Variants in THBS2 observed in about 807,000 individuals in gnomAD.
The protein encoded by THBS2 is thrombospondin-2.
THBS2 carries 47 observed loss-of-function variants against 135.2 expected under a neutral mutation model. That is an observed-to-expected ratio of 0.35 (90% CI 0.28 to 0.44). The LOEUF (loss-of-function observed/expected upper bound fraction) is 0.44. Among genes scored for constraint, THBS2 ranks in the 20% least tolerant of loss-of-function variants. The probability of loss-of-function intolerance (pLI) is 1.00; values close to 1 mark genes in which losing one functional copy is unlikely to be tolerated. For synonymous variants in THBS2, 639 were observed against 633.8 expected, an observed-to-expected ratio of 1.01 and a Z score of -0.12; for missense variants, 1,288 against 1,603.1, an observed-to-expected ratio of 0.80 and a Z score of 3.36.
At chr6:169,242,832 C>A (rs1253167799) in intron 4 of THBS2, among the ~76,000 whole-genome samples, 7 of 109,040 alleles carry the variant, frequency 6.4e-5, no homozygotes, top group East Asian at 3.2e-4. Flanking sequence ...ACCTTCCCAC[C>A]TTCCCACCTT....
In THBS2 at chr6:169,237,653, A is replaced by G. The variant is rs1206770585; in HGVS notation, c.1272T>C (p.Ala424=). The part of the protein sequence containing the change: ...TCLGPSIQTR[A]CSLSKCDTRI... ...GGGTGTCACACTTGCTCAGACTGCA[A>G]GCCCGTGTCTGGATGGAGGGCCCCA... Residue 424 remains alanine, a synonymous_variant, in exon 8 of 22, where the codon GCT becomes GCC. Transcript: ENST00000617924. 1.2e-6 allele frequency: 2 copies of G among 1,612,842 alleles called. No individual in the cohort carries two copies. Among genetic ancestry groups the G allele is most frequent in the Non-Finnish European group, 1.7e-6 (2 of 1,179,952 alleles).
At chr6:169,245,495 T>A (rs1780508438) in intron 4 of THBS2, among the ~76,000 whole-genome samples, 1 of 152,108 alleles carries the variant, frequency 6.6e-6, no homozygotes, top group South Asian at 2.1e-4. Flanking sequence ...CTATGAACAG[T>A]ATAAGAAAAC....
Position 169,228,906 on chromosome 6 carries a change from CAAAAAAA to C in THBS2, c.2260-632_2260-626del, listed in dbSNP as rs535971273. Among the ~76,000 whole-genome samples the C allele has an allele frequency of 5.3e-5, 6 of 112,880 alleles. No homozygotes were observed. In the East Asian group the frequency reaches 1.6e-3, roughly 30 times the overall value. 74.1% of individuals were successfully genotyped at this position (112,880 alleles called of 152,430 possible). The stretch of plus-strand genomic sequence containing the variant: ...GCCATTGCACTCAAGCCTGAGCGAC[CAAAAAAA>C]AAAAAAAAAAGAGTTAGCCCTCGCC... On this transcript the variant is annotated intron_variant, in intron 14 of 21. Coordinates refer to ENST00000617924, the MANE Select transcript of THBS2 (RefSeq NM_003247.5).
Position 169,241,131 on chromosome 6 carries a change from TG to T in THBS2, c.892-540del, listed in dbSNP as rs2115016451. Among the ~76,000 whole-genome samples the T allele has an allele frequency of 6.6e-6, 1 of 150,710 alleles. No individual in the cohort carries two copies. Among genetic ancestry groups the T allele is most frequent in the Admixed American group, 6.6e-5 (1 of 15,118 alleles). On this transcript the variant is annotated intron_variant, in intron 5 of 21. Transcript: ENST00000617924. The surrounding 1 kb of genome is among the most constrained non-coding windows in gnomAD (Gnocchi z 5.5). Reference sequence around the variant, plus strand: ...CTGGCATCATTTACTTCATGCCCTCTGGGTACGAGTGACAGTCAGCATCACT... The same window carrying T: ...CTGGCATCATTTACTTCATGCCCTCTGGTACGAGTGACAGTCAGCATCACT...
chr6:169,237,318 C>G lies in THBS2; in HGVS notation c.1329G>C (p.Trp443Cys). ...RIRQDGGWSH[W>C]SPWSSCSVTC... ...TCACAGAGCATGAAGACCAAGGTGA[C>G]CAGTGGCTCCAGCCGCCGTCCTGCC... The change falls in exon 9 of 22, where the codon TGG (tryptophan) becomes TGC (cysteine). Residue 443 changes from tryptophan (W) to cysteine (C), a missense_variant. Physicochemically the swap from Trp to Cys is radical, Grantham distance 215. Transcript: ENST00000617924. The G allele has an allele frequency of 1.2e-6, 2 of 1,613,284 alleles. No individual in the cohort carries two copies. The highest frequency in any genetic ancestry group is 1.7e-6 in the Non-Finnish European group (2 of 1,180,012).
chr6:169,235,040 G>C (rs1473097480), intron 9 of THBS2, 133 bp from the exon 10 acceptor site: 8 of 865,966 alleles, frequency 9.2e-6, no homozygotes, highest in East Asian at 2.8e-5. Context: ...TTCTCCCCAG[G>C]TTGGCTGACT....
At chr6:169,240,191 C>T (rs868057584) in intron 6 of THBS2, among the ~76,000 whole-genome samples, 33 of 152,328 alleles carry the variant, frequency 2.2e-4, no homozygotes, top group African/African-American at 7.7e-4. Context: ...CTTCTCTGTT[C>T]CTCCTGTTTC....
At chr6:169,237,092 C>G in intron 9 of THBS2, 78 bp downstream of exon 9, 2 of 1,499,390 alleles carry the variant, frequency 1.3e-6, no homozygotes, top group East Asian at 2.3e-5. Flanking sequence ...CACCCCGGAT[C>G]CCGGCTCCAG....
In THBS2 at chr6:169,229,590, G is replaced by T. The variant is rs375479793; in HGVS notation, c.2241C>A (p.Asp747Glu). The change falls in exon 14 of 22, where the codon GAC (aspartate) becomes GAA (glutamate). Residue 747 changes from aspartate (D) to glutamate (E), a missense_variant. Around this residue, in one of 2 missense-constraint regions of THBS2, gnomAD observed 874 missense variants for 1,156.1 expected, o/e 0.76. Coordinates refer to ENST00000617924, the MANE Select transcript of THBS2 (RefSeq NM_003247.5). ...GDACDDDDDN[D>E]GVTDEKDNCQ... ...CTCCTACCTTCTCATCGGTCACACC[G>T]TCATTGTCATCGTCATCATCACAGG... The T allele has an allele frequency of 6.2e-7, 1 of 1,614,054 alleles. No individual in the cohort carries two copies. Among genetic ancestry groups the T allele is most frequent in the South Asian group, 1.1e-5 (1 of 91,062 alleles).
rs943869021 is a variant in THBS2, at chr6:169,216,293, A to AG, written c.*1528dup. The AG allele has an allele frequency of 6.6e-6, 1 of 152,210 alleles. No individual in the cohort carries two copies. Among genetic ancestry groups the AG allele is most frequent in the Non-Finnish European group, 1.5e-5 (1 of 68,026 alleles). The allele number at this position is 152,210 out of a possible 1,614,324, so 9.4% of individuals were successfully genotyped here. On this transcript the variant is annotated 3_prime_UTR_variant, in exon 22 of 22. Coordinates refer to ENST00000617924, the MANE Select transcript of THBS2 (RefSeq NM_003247.5). ...AGAAATGTGATGACTATTAACAGAA[A>AG]GGGGAAAAAGATTTGCCCCCTATCC...
intron 3 of THBS2, among the ~76,000 whole-genome samples, chr6:169,247,678 C>T (rs1044825485): frequency 8.1e-5 from 12 of 147,798 alleles, no homozygotes; most frequent in African/African-American, 2.8e-4. Flanking sequence ...TGTGTGCACA[C>T]CTGTTTTGTG....
chr6:169,249,922 C>A (rs1358528441), intron 2 of THBS2, among the ~76,000 whole-genome samples: 1 of 151,652 alleles, frequency 6.6e-6, no homozygotes, highest in South Asian at 2.1e-4. Flanking sequence ...CCCAGCTACT[C>A]GGGAGGCTGA....
In THBS2 at chr6:169,232,651, C is replaced by T. The variant is rs78842639; in HGVS notation, c.1932+13G>A. ...GCCGCTCGCAACACACAAGGAAGGCCGGCCTTGCGTACTTGCTTTTCCGTC... is the reference window on the plus strand; with the variant it reads ...GCCGCTCGCAACACACAAGGAAGGCTGGCCTTGCGTACTTGCTTTTCCGTC... On this transcript the variant is annotated intron_variant, in intron 12 of 21. Transcript: ENST00000617924. 5.9e-3 allele frequency: 9,358 copies of T among 1,586,264 alleles called. 368 individuals carry two copies. The African/African-American group carries it at 0.095, about 16-fold the overall frequency.
intron 7 of THBS2, among the ~76,000 whole-genome samples, chr6:169,238,881 C>A (rs1203840469): frequency 2.0e-5 from 3 of 152,138 alleles, no homozygotes; most frequent in African/African-American, 4.8e-5. Flanking sequence ...CTTAGTGCAG[C>A]AGCAACTTGG....
In THBS2 at chr6:169,232,774, G is replaced by A; in HGVS notation, c.1822C>T (p.Pro608Ser). The stretch of plus-strand genomic sequence containing the variant: ...CCAGGCTGAGTGTTGACACAGCGAG[G>A]CACCTTGCTGGTGGAGAAGCAGATG... ...PDICFSTSKV[P>S]RCVNTQPGFH... The change falls in exon 12 of 22, where the codon CCT (proline) becomes TCT (serine). Residue 608 changes from proline to serine, a missense_variant. This residue lies in a region of THBS2 where 874 missense variants were observed against 1,156.1 expected (regional missense o/e 0.76). Coordinates refer to ENST00000617924, the MANE Select transcript of THBS2 (RefSeq NM_003247.5). The A allele has an allele frequency of 1.9e-6, 3 of 1,614,004 alleles. No individual in the cohort carries two copies. The highest frequency in any genetic ancestry group is 2.2e-5 in the East Asian group (1 of 44,878).
intron 3 of THBS2, among the ~76,000 whole-genome samples, chr6:169,247,372 C>T (rs1037339159): frequency 1.3e-5 from 2 of 152,088 alleles, no homozygotes; most frequent in African/African-American, 4.8e-5. Context: ...TTTGTATACA[C>T]ATGTGTGATG....
At chr6:169,242,651 A>C (rs71552384) in intron 4 of THBS2, among the ~76,000 whole-genome samples, 10 of 7,204 alleles carry the variant, frequency 1.4e-3, no homozygotes, top group Admixed American at 3.4e-3. Context: ...CCTTCCCACC[A>C]CTCCCACCTT....
chr6:169,234,682 C>T (rs978538235), intron 10 of THBS2, 52 bp downstream of exon 10: 13 of 1,422,732 alleles, frequency 9.1e-6, no homozygotes, highest in Non-Finnish European at 1.1e-5. Flanking sequence ...TTGTGCTTTT[C>T]ATCAGAATGG....
rs1780250026 is a variant in THBS2 at position 169,240,494 on chromosome 6, A to G, written c.990T>C (p.Asn330=). The G allele has an allele frequency of 6.2e-7, 1 of 1,613,666 alleles. No individual in the cohort carries two copies. Among genetic ancestry groups the G allele is most frequent in the Non-Finnish European group, 8.5e-7 (1 of 1,179,968 alleles). Residue 330 remains asparagine, a synonymous_variant, in exon 6 of 22, where the codon AAT becomes AAC. Transcript: ENST00000617924. ...TGCAGCTGTCCACCACCCACGTTTC[A>G]TTTTCCGCAAAGAACCGGCCATCCT... is the stretch of plus-strand genomic sequence containing the variant. ...CWQDGRFFAE[N]ETWVVDSCTT...
Sources: gnomAD v4.1 joint callset for allele counts (sites outside exome capture counted in the v4.1 genomes callset) on GRCh38, gnomAD v4.1.1 for gene constraint, gnomAD v4.1.1 regional missense constraint, Gnocchi (gnomAD v3.1) non-coding constraint, MANE v1.5 for transcripts, NCBI Gene and HGNC (gene_info 2026-07-23, HGNC 2026-07-21) for gene names.